Variants in EP300 observed in about 807,000 individuals in gnomAD.
EP300 encodes the protein histone acetyltransferase p300.
Under a neutral mutation model 264.0 loss-of-function variants are expected in EP300, and 31 were observed. The ratio of observed to expected loss-of-function variants is 0.12; its 90% CI spans 0.09 to 0.16. The LOEUF (loss-of-function observed/expected upper bound fraction) is 0.16. Among genes scored for constraint, EP300 ranks in the 10% least tolerant of loss-of-function variants. EP300 has a pLI of 1.00. For missense variants in EP300, 2,766 were observed against 3,052.9 expected (o/e 0.91, Z 2.21); for synonymous variants, 1,340 against 1,045.4 (o/e 1.28, Z -5.44).
rs2059224309 is a variant in EP300 at position 41,179,151 on chromosome 22, A to C, written c.*195A>C. 4.6e-6 allele frequency: 3 copies of C among 647,610 alleles called. No homozygotes were observed. Among genetic ancestry groups the C allele is most frequent in the Non-Finnish European group, 7.8e-6 (3 of 383,380 alleles). The allele number at this position is 647,610 out of a possible 1,614,324, so 40.1% of individuals were successfully genotyped here. A position where few individuals can be genotyped will look rare whatever the true frequency, so the allele number is the denominator to read the frequency against. ...CCTGAGGGATGATAGAATACAAAGA[A>C]TATATTTTTGTTATGGCTGGTTACC... On this transcript the variant is annotated 3_prime_UTR_variant, in exon 31 of 31. Coordinates refer to ENST00000263253, the MANE Select transcript of EP300 (RefSeq NM_001429.4).
intron 6 of EP300, among the ~76,000 whole-genome samples, chr22:41,133,837 G>A (rs920157636): frequency 1.5e-4 from 23 of 152,296 alleles, no homozygotes; most frequent in African/African-American, 5.1e-4. Context: ...CCACTGTGCA[G>A]TAAAGTTTAA....
intron 29 of EP300, 120 bp from the exon 30 acceptor site, chr22:41,176,127 G>A (rs2059199047): frequency 1.7e-6 from 2 of 1,147,476 alleles, no homozygotes; most frequent in Non-Finnish European, 2.6e-6. Context: ...GGCCATGGTG[G>A]GATAATTGCT....
intron 10 of EP300, among the ~76,000 whole-genome samples, chr22:41,143,293 A>C (rs1601614876): frequency 6.6e-6 from 1 of 152,086 alleles, no homozygotes; most frequent in Non-Finnish European, 1.5e-5. Context: ...CTCTATAAAA[A>C]ATACAAAAAT....
chr22:41,166,720 A>G, intron 23 of EP300, 54 bp downstream of exon 23: 1 of 1,242,326 alleles, frequency 8.0e-7, no homozygotes, highest in Non-Finnish European at 1.2e-6. Context: ...AAGCCTAGAT[A>G]AGAAACCATC....
chr22:41,137,521 GC>G, intron 7 of EP300, 131 bp from the exon 8 acceptor site: 1 of 1,202,600 alleles, frequency 8.3e-7, no homozygotes, highest in Non-Finnish European at 1.2e-6. Flanking sequence ...ACTTCTCCCT[GC>G]CTAGCTCCTT....
intron 1 of EP300, among the ~76,000 whole-genome samples, chr22:41,112,016 T>C (rs1350107585): frequency 6.7e-6 from 1 of 150,010 alleles, no homozygotes; most frequent in Non-Finnish European, 1.5e-5. Context: ...GCCTCCCGAG[T>C]AGCTGGGACT....
intron 22 of EP300, among the ~76,000 whole-genome samples, chr22:41,164,936 A>T (rs1311433807): frequency 3.9e-5 from 6 of 152,158 alleles, no homozygotes; most frequent in African/African-American, 1.4e-4. Flanking sequence ...GGTATATGGG[A>T]CATCCAGTGC....
At chr22:41,127,456 C>T (rs778071331) in intron 3 of EP300, 31 bp from the exon 4 acceptor site, 34 of 1,613,020 alleles carry the variant, frequency 2.1e-5, no homozygotes, top group Admixed American at 3.3e-5. Flanking sequence ...ATTATGACTC[C>T]TACCATTAAA....
intron 27 of EP300, 114 bp downstream of exon 27, chr22:41,170,685 G>C: frequency 9.7e-7 from 1 of 1,028,412 alleles, no homozygotes; most frequent in Admixed American, 2.5e-5. Flanking sequence ...TTTTTGAGAC[G>C]GAGTCTCGCT....
chr22:41,166,442 C>A (rs574407958), intron 22 of EP300, among the ~76,000 whole-genome samples, 157 bp from the exon 23 acceptor site: 10 of 152,178 alleles, frequency 6.6e-5, no homozygotes, highest in African/African-American at 2.4e-4. Flanking sequence ...TTTATTCTTA[C>A]TGATTTCTAA....
chr22:41,102,783 G>T (rs1382503354), intron 1 of EP300, among the ~76,000 whole-genome samples: 1 of 152,146 alleles, frequency 6.6e-6, no homozygotes, highest in Admixed American at 6.5e-5. Flanking sequence ...TAGAAGTTAG[G>T]TAGTAAGATG....
chr22:41,121,203 T>C (rs1026134977), intron 2 of EP300, among the ~76,000 whole-genome samples: 1 of 152,202 alleles, frequency 6.6e-6, no homozygotes, highest in Non-Finnish European at 1.5e-5. Context: ...AGGACGCATT[T>C]CTTGTAGCTG....
chr22:41,103,766 A>T (rs912219103), intron 1 of EP300, among the ~76,000 whole-genome samples: 1 of 152,206 alleles, frequency 6.6e-6, no homozygotes, highest in African/African-American at 2.4e-5. Flanking sequence ...TAGCATCAGG[A>T]TAAGAATTGT....
At chr22:41,105,812 C>T (rs1223423875) in intron 1 of EP300, among the ~76,000 whole-genome samples, 3 of 152,196 alleles carry the variant, frequency 2.0e-5, no homozygotes, top group Admixed American at 6.5e-5. Context: ...AATTTGCTTG[C>T]ACTTTTGCCC....
At chr22:41,156,349 A>G (rs1423277722) in intron 17 of EP300, among the ~76,000 whole-genome samples, 1 of 152,212 alleles carries the variant, frequency 6.6e-6, no homozygotes, top group Non-Finnish European at 1.5e-5. Context: ...TCATAGCAGA[A>G]AAAAGGACCG....
intron 2 of EP300, among the ~76,000 whole-genome samples, chr22:41,118,689 CTCA>C (rs898695596): frequency 3.0e-4 from 46 of 152,152 alleles, no homozygotes; most frequent in African/African-American, 1.1e-3. Context: ...GGTGCAGTGG[CTCA>C]TGCCTGTAAT....
intron 10 of EP300, among the ~76,000 whole-genome samples, chr22:41,142,524 A>T (rs963513095): frequency 2.0e-5 from 3 of 152,196 alleles, no homozygotes; most frequent in Non-Finnish European, 4.4e-5. Context: ...TCAGGAATGA[A>T]AAAGTCAAGA....
intron 6 of EP300, among the ~76,000 whole-genome samples, chr22:41,133,152 T>TC (rs71821697): frequency 0.035 from 2,275 of 65,072 alleles, 69 homozygotes; most frequent in African/African-American, 0.095. Flanking sequence ...CCTAAGATTA[T>TC]CCCCCCCCCC....
At chr22:41,126,808 G>A (rs1037535438) in intron 3 of EP300, among the ~76,000 whole-genome samples, 8 of 126,968 alleles carry the variant, frequency 6.3e-5, no homozygotes, top group African/African-American at 2.2e-4. Context: ...GCAGTGGTAC[G>A]ATCTCGGCTC....
Sources: gnomAD v4.1 joint callset for allele counts (sites outside exome capture counted in the v4.1 genomes callset) on GRCh38, gnomAD v4.1.1 for gene constraint, MANE v1.5 for transcripts, NCBI Gene and HGNC (gene_info 2026-07-23, HGNC 2026-07-21) for gene names.